Variants in TDP1 observed in about 807,000 individuals in gnomAD.
The protein encoded by TDP1 is tyrosyl-DNA phosphodiesterase 1, also known as tyr-DNA phosphodiesterase 1.
In TDP1, 64 loss-of-function variants were observed where a neutral mutation model predicts 81.5. That is an observed-to-expected ratio of 0.79 (90% CI 0.64 to 0.97). The LOEUF (loss-of-function observed/expected upper bound fraction) is 0.97, where lower values mean the gene tolerates loss of function less well. TDP1 is among the 50% of genes least tolerant of loss of function. TDP1 has a pLI of 0.00. For synonymous variants in TDP1, 256 were observed against 264.3 expected (o/e 0.97, Z 0.30); for missense variants, 723 against 743.8 (o/e 0.97, Z 0.33).
Position 89,963,299 on chromosome 14 carries a change from C to T in TDP1, c.185C>T (p.Pro62Leu). 1.2e-6 allele frequency: 2 copies of T among 1,614,144 alleles called. No individual in the cohort carries two copies. Among genetic ancestry groups the T allele is most frequent in the Admixed American group, 1.7e-5 (1 of 60,018 alleles). The change falls in exon 3 of 17, where the codon CCT becomes CTT. Residue 62 changes from proline to leucine, a missense_variant. Transcript: ENST00000335725. ...GCTGCACACAAGAGGAAAATATCAC[C>T]TGTGAAATTCAGCAATACAGATTCA... ...QKAAHKRKIS[P>L]VKFSNTDSVL...
chr14:90,040,762 G>A (rs768718706), intron 16 of TDP1, among the ~76,000 whole-genome samples: 25 of 152,250 alleles, frequency 1.6e-4, no homozygotes, highest in Non-Finnish European at 3.1e-4. Context: ...TTCCAGGAGT[G>A]ATGAGTTAAA....
chr14:89,971,140 A>G (rs1475282088), intron 5 of TDP1, 35 bp from the exon 6 acceptor site: 8 of 1,574,874 alleles, frequency 5.1e-6, no homozygotes, highest in Non-Finnish European at 7.0e-6. Context: ...CTGGCCATGA[A>G]TGATGTATAT....
intron 8 of TDP1, chr14:89,984,233 G>A: frequency 5.1e-6 from 5 of 985,454 alleles, no homozygotes; most frequent in Non-Finnish European, 6.0e-6. Flanking sequence ...GGAAGGTTTG[G>A]CAAGTGAGAG....
chr14:90,020,222 T>C (rs150131854), intron 15 of TDP1, among the ~76,000 whole-genome samples: 1 of 152,088 alleles, frequency 6.6e-6, no homozygotes, highest in Non-Finnish European at 1.5e-5. Context: ...CAGAGAGATA[T>C]TCTCACCATA....
intron 8 of TDP1, chr14:89,981,510 C>T (rs981677969): frequency 5.1e-5 from 23 of 454,214 alleles, no homozygotes; most frequent in African/African-American, 4.4e-4. Flanking sequence ...GGTTAACAAA[C>T]AGCCTTCTGT....
chr14:89,964,040 C>G (rs1378315943), intron 3 of TDP1, among the ~76,000 whole-genome samples: 1 of 152,152 alleles, frequency 6.6e-6, no homozygotes, highest in East Asian at 1.9e-4. Flanking sequence ...GCATCACCTG[C>G]AACTTGTTAA....
At chr14:89,993,120 T>C in intron 13 of TDP1, 1 of 978,328 alleles carries the variant, frequency 1.0e-6, no homozygotes, top group Non-Finnish European at 1.2e-6. Flanking sequence ...TATGCATGTA[T>C]GTATGTTCAT....
intron 14 of TDP1, 167 bp from the exon 15 acceptor site, chr14:90,019,149 A>G: frequency 3.2e-6 from 3 of 925,188 alleles, no homozygotes; most frequent in Non-Finnish European, 3.9e-6. Flanking sequence ...ATTAGAGAAC[A>G]GCAGATTTTA....
intron 13 of TDP1, 35 bp from the exon 14 acceptor site, chr14:89,993,341 T>G (rs775940900): frequency 6.5e-7 from 1 of 1,541,404 alleles, no homozygotes; most frequent in African/African-American, 1.4e-5. Flanking sequence ...CAATTTTATT[T>G]CATAATTAGT....
In TDP1 at chr14:90,016,036, C is replaced by CT. The variant is rs949488844; in HGVS notation, c.1542-3271dup. Among the ~76,000 whole-genome samples, 40 of 148,090 alleles carry CT rather than the reference C, an allele frequency of 2.7e-4. No individual in the cohort carries two copies. In the East Asian group the frequency reaches 5.1e-3, roughly 19 times the overall value. On this transcript the variant is annotated intron_variant, in intron 14 of 16. Coordinates refer to ENST00000335725, the MANE Select transcript of TDP1 (RefSeq NM_018319.4). ...TGGAGAGCAAATGTGAGACAGCAGC[C>CT]TTTTTTTTTCTTTTTTTTTTTTGAG...
Position 89,993,385 on chromosome 14 carries a change from A to G in TDP1, c.1443A>G (p.Ser481=), listed in dbSNP as rs1207205428. ...TCTTTTCTGTCACTAGCAAATGGTCAGCTGAGACTTCTGGCCGCAGCAATG... is the reference window on the plus strand; with the variant it reads ...TCTTTTCTGTCACTAGCAAATGGTCGGCTGAGACTTCTGGCCGCAGCAATG... ...NWLHSYFHKW[S]AETSGRSNAM... The change falls in exon 14 of 17, where the codon TCA becomes TCG. Residue 481 remains serine, a synonymous_variant. Coordinates refer to ENST00000335725, the MANE Select transcript of TDP1 (RefSeq NM_018319.4). The G allele has an allele frequency of 6.2e-6, 10 of 1,613,138 alleles. No homozygotes were observed. Among genetic ancestry groups the G allele is most frequent in the Non-Finnish European group, 8.5e-6 (10 of 1,179,344 alleles).
rs767671334 is a variant in TDP1 at position 89,971,165 on chromosome 14, C to G, written c.660-10C>G. 20 of 1,611,604 alleles carry G rather than the reference C, an allele frequency of 1.2e-5. No individual in the cohort carries two copies. The Admixed American group carries it at 3.3e-4, about 27-fold the overall frequency. On this transcript the variant is annotated splice_polypyrimidine_tract_variant and intron_variant, in intron 5 of 16. Coordinates refer to ENST00000335725, the MANE Select transcript of TDP1 (RefSeq NM_018319.4). ...ATGATGTATATTAAATACTAATGCTCTCTTTTTAGGAAGAAGCCAATCCTG... is the reference window on the plus strand; with the variant it reads ...ATGATGTATATTAAATACTAATGCTGTCTTTTTAGGAAGAAGCCAATCCTG...
At chr14:90,004,853 CTG>C (rs1345771560) in intron 14 of TDP1, among the ~76,000 whole-genome samples, 3 of 152,184 alleles carry the variant, frequency 2.0e-5, no homozygotes, top group African/African-American at 7.2e-5. Flanking sequence ...GTTAAACATG[CTG>C]TTAGGCTTTC....
rs1893643193 is a variant in TDP1, at chr14:89,971,401, G to A, written c.756+130G>A. Reference sequence around the variant, plus strand: ...TCAGTCATCAATAGATATTTGTCTAGCCTCAGCTTAAACACTTCCTGAGAT... The same window carrying A: ...TCAGTCATCAATAGATATTTGTCTAACCTCAGCTTAAACACTTCCTGAGAT... On this transcript the variant is annotated intron_variant, in intron 6 of 16. Transcript: ENST00000335725. 5.4e-6 allele frequency: 4 copies of A among 734,708 alleles called. No individual in the cohort carries two copies. The African/African-American group carries it at 7.0e-5, about 13-fold the overall frequency. The allele number at this position is 734,708 out of a possible 1,614,324, so 45.5% of individuals were successfully genotyped here.
chr14:89,975,704 T>C (rs1207138129), intron 6 of TDP1, 77 bp from the exon 7 acceptor site: 1 of 1,321,546 alleles, frequency 7.6e-7, no homozygotes, highest in African/African-American at 1.4e-5. Flanking sequence ...TTGACCTGAT[T>C]GCTTTCTAAT....
chr14:89,966,094 A>C, intron 3 of TDP1, 53 bp from the exon 4 acceptor site: 3 of 1,255,024 alleles, frequency 2.4e-6, no homozygotes, highest in Non-Finnish European at 2.3e-6. Flanking sequence ...AGTGATTATT[A>C]TGACTAGAGG....
chr14:89,980,547 A>C lies in TDP1; in HGVS notation c.799A>C (p.Met267Leu), dbSNP rs1438207109. The change falls in exon 8 of 17, where the codon ATG becomes CTG. Residue 267 changes from methionine to leucine, a missense_variant. By Grantham distance (15) the Met-to-Leu change is conservative (BLOSUM62 2). Coordinates refer to ENST00000335725, the MANE Select transcript of TDP1 (RefSeq NM_018319.4). ...CCTTTGCTGTTTTTAAAGGAAAATG[A>C]TGCTGCTGCTCTATGAAGAAGGCCT... Reference protein sequence around the residue: ...IAFGTHHTKMMLLLYEEGLRV... With the variant: ...IAFGTHHTKMLLLLYEEGLRV... The C allele has an allele frequency of 4.2e-5, 68 of 1,613,872 alleles. No individual in the cohort carries two copies. The highest frequency in any genetic ancestry group is 5.1e-5 in the Non-Finnish European group (60 of 1,179,868).
Position 89,971,250 on chromosome 14 carries a change from C to A in TDP1, c.735C>A (p.Tyr245Ter), listed in dbSNP as rs778913360. 3.7e-6 allele frequency: 6 copies of A among 1,614,028 alleles called. No individual in the cohort carries two copies. Among genetic ancestry groups the A allele is most frequent in the East Asian group, 2.2e-5 (1 of 44,868 alleles). The change falls in exon 6 of 17, where the codon TAC (tyrosine) becomes TAA (stop). Residue 245 changes from tyrosine (Y) to a stop codon, truncating the protein, a stop_gained. Transcript: ENST00000335725. LOFTEE classifies it high-confidence loss of function. ...KAHLHAQAKP[Y>*]ENISLCQAKL... ...ACCTCCATGCCCAGGCCAAGCCTTA[C>A]GAGAACATCTCTCTCTGCCAGGTAA...
chr14:90,010,090 A>G (rs1884522232), intron 14 of TDP1, among the ~76,000 whole-genome samples: 1 of 152,224 alleles, frequency 6.6e-6, no homozygotes, highest in South Asian at 2.1e-4. Context: ...AAGACATAAA[A>G]TGCACTTGCA....
Sources: gnomAD v4.1 joint callset for allele counts (sites outside exome capture counted in the v4.1 genomes callset) on GRCh38, gnomAD v4.1.1 for gene constraint, MANE v1.5 for transcripts, NCBI Gene and HGNC (gene_info 2026-07-23, HGNC 2026-07-21) for gene names.